MYH13: variants seen among roughly 807,000 people sequenced by gnomAD.
MYH13 encodes myosin-13.
MYH13 carries 177 observed loss-of-function variants against 232.1 expected under a neutral mutation model. The observed-to-expected ratio is 0.76, with a 90% CI of 0.67 to 0.86. The LOEUF is 0.86. Among genes scored for constraint, MYH13 ranks in the 40% least tolerant of loss-of-function variants. MYH13 has a pLI of 0.00. For missense variants in MYH13, 2,246 were observed against 2,405.9 expected (o/e 0.93, Z 1.39); for synonymous variants, 884 against 923.5 (o/e 0.96, Z 0.78).
chr17:10,353,108 C>T (rs2071722838), intron 11 of MYH13, among the ~76,000 whole-genome samples: 1 of 152,172 alleles, frequency 6.6e-6, no homozygotes, highest in African/African-American at 2.4e-5. Flanking sequence ...GCAGATAAGG[C>T]AAAGGCAGAC....
At position 10,351,234 on chromosome 17, in the gene MYH13, A is replaced by AAAAAAAAAAAAG. The variant is rs796765349; in HGVS notation, c.1006-541_1006-540insCTTTTTTTTTTT. On this transcript the variant is annotated intron_variant, in intron 11 of 40. Transcript: ENST00000252172. ...AGACTCCATCTCAAAAAAAAAAAAA[A>AAAAAAAAAAAAG]AGAGAACTGATTATGATCTTTTCTC... Among the ~76,000 whole-genome samples the AAAAAAAAAAAAG allele has an allele frequency of 2.1e-4, 31 of 150,402 alleles. 1 individual carries two copies. In the East Asian group the frequency reaches 2.8e-3, roughly 14 times the overall value.
intron 3 of MYH13, among the ~76,000 whole-genome samples, chr17:10,363,887 C>T (rs12950258): frequency 0.16 from 24,898 of 152,180 alleles, 2,450 homozygotes; most frequent in Non-Finnish European, 0.23. Context: ...ATTTGCAAAG[C>T]GATCAATGCT....
At chr17:10,330,552 CT>C in intron 20 of MYH13, 29 bp from the exon 21 acceptor site, 1 of 1,585,506 alleles carries the variant, frequency 6.3e-7, no homozygotes. Context: ...GAGCCTTGAT[CT>C]TTTTCCCCAG....
chr17:10,370,116 A>G lies in MYH13; in HGVS notation c.-13+1093T>C, dbSNP rs376557813. On this transcript the variant is annotated intron_variant, in intron 2 of 40. Coordinates refer to ENST00000252172, the MANE Select transcript of MYH13 (RefSeq NM_003802.3). ...TTTTAAAGTGTGATATCCAAACCACATGTCACCCTCCACTGGAGTGTGCCC... is the reference window on the plus strand; with the variant it reads ...TTTTAAAGTGTGATATCCAAACCACGTGTCACCCTCCACTGGAGTGTGCCC... 9.2e-5 allele frequency among the ~76,000 whole-genome samples: 14 copies of G among 152,202 alleles called. 1 individual carries two copies. The East Asian group carries it at 2.5e-3, about 27-fold the overall frequency.
intron 22 of MYH13, among the ~76,000 whole-genome samples, chr17:10,327,469 G>C (rs537636812): frequency 6.6e-6 from 1 of 152,096 alleles, no homozygotes; most frequent in African/African-American, 2.4e-5. Flanking sequence ...ACATATTATT[G>C]TAAATAATAT....
intron 8 of MYH13, among the ~76,000 whole-genome samples, chr17:10,355,508 C>G (rs1274494589): frequency 6.6e-6 from 1 of 152,200 alleles, no homozygotes; most frequent in Non-Finnish European, 1.5e-5. Context: ...CATCTGTCGC[C>G]AACAATTCTT....
intron 35 of MYH13, among the ~76,000 whole-genome samples, chr17:10,307,596 C>T (rs1443790330): frequency 6.6e-6 from 1 of 151,912 alleles, no homozygotes; most frequent in Non-Finnish European, 1.5e-5. Context: ...AATGTTCCAC[C>T]TCATTAGCAA....
intron 27 of MYH13, 21 bp from the exon 28 acceptor site, chr17:10,316,046 A>T (rs1294211323): frequency 6.2e-7 from 1 of 1,613,712 alleles, no homozygotes; most frequent in Non-Finnish European, 8.5e-7. Flanking sequence ...CAGAAAGTCA[A>T]CACGAATGGG....
At chr17:10,343,427 A>G (rs1045240158) in intron 16 of MYH13, among the ~76,000 whole-genome samples, 3 of 152,148 alleles carry the variant, frequency 2.0e-5, no homozygotes, top group African/African-American at 7.2e-5. Flanking sequence ...CAAACTCCTG[A>G]CCTCAAGTGA....
In MYH13 at chr17:10,345,185, C is replaced by T. The variant is rs372044228; in HGVS notation, c.1584+17G>A. On this transcript the variant is annotated intron_variant, in intron 15 of 40. Transcript: ENST00000252172. ...CCCAATAAGGAGGAGCTGTCCCAGG[C>T]AGCAGTATCTCTCTACCTTCTCGAT... 9 of 1,613,914 alleles carry T rather than the reference C, an allele frequency of 5.6e-6. No homozygotes were observed. Among genetic ancestry groups the T allele is most frequent in the Non-Finnish European group, 7.6e-6 (9 of 1,179,908 alleles).
intron 5 of MYH13, among the ~76,000 whole-genome samples, chr17:10,361,887 A>C (rs555776945): frequency 3.2e-4 from 49 of 152,332 alleles, no homozygotes; most frequent in African/African-American, 1.1e-3. Context: ...TGTGTTCCAC[A>C]TTCTCCCAAA....
intron 8 of MYH13, 38 bp downstream of exon 8, chr17:10,357,697 C>A (rs1460842180): frequency 1.9e-6 from 3 of 1,587,122 alleles, no homozygotes; most frequent in South Asian, 1.1e-5. Flanking sequence ...AGAGGGTATG[C>A]TTTTGGGAGG....
chr17:10,354,836 GTT>G (rs3214260), intron 10 of MYH13, 53 bp from the exon 11 acceptor site: 23 of 1,580,834 alleles, frequency 1.5e-5, no homozygotes, highest in Admixed American at 3.4e-5. Context: ...ACTCTGGGTT[GTT>G]TTTTTTTTCC....
Position 10,321,427 on chromosome 17 carries a change from G to A in MYH13, c.3111+105C>T, listed in dbSNP as rs556246812. 84 of 1,150,454 alleles carry A rather than the reference G, an allele frequency of 7.3e-5. 1 individual carries two copies. In the South Asian group the frequency reaches 1.2e-3, roughly 17 times the overall value. 71.3% of individuals were successfully genotyped at this position (1,150,454 alleles called of 1,614,324 possible). A position where few individuals can be genotyped will look rare whatever the true frequency, so the allele number is the denominator to read the frequency against. ...GCTGAGATCTGAATTTAGGGATGCTGATTCCAGAGTCTGACCTCTCAAGCC... is the reference window on the plus strand; with the variant it reads ...GCTGAGATCTGAATTTAGGGATGCTAATTCCAGAGTCTGACCTCTCAAGCC... On this transcript the variant is annotated intron_variant, in intron 24 of 40. Coordinates refer to ENST00000252172, the MANE Select transcript of MYH13 (RefSeq NM_003802.3).
In MYH13 at chr17:10,319,177, G is replaced by C; in HGVS notation, c.3351C>G (p.Ala1117=). ...TTTCCTCCTCCAGCTCTTCTATGCG[G>C]GCCTGAAAGGATTACTCTATCAGGA... ...QFQKKIKELQ[A]RIEELEEEIE... The change falls in exon 27 of 41, where the codon GCC becomes GCG. Residue 1117 remains alanine (A), a splice_region_variant and synonymous_variant. Coordinates refer to ENST00000252172, the MANE Select transcript of MYH13 (RefSeq NM_003802.3). 1.9e-6 allele frequency: 3 copies of C among 1,612,792 alleles called. No homozygotes were observed. The highest frequency in any genetic ancestry group is 2.5e-6 in the Non-Finnish European group (3 of 1,179,374).
intron 12 of MYH13, among the ~76,000 whole-genome samples, chr17:10,349,285 G>A (rs8080154): frequency 0.78 from 118,728 of 151,778 alleles, 47,037 homozygotes; most frequent in East Asian, 0.94. Context: ...ATTTTTAGTA[G>A]AGAAGGGGTT....
chr17:10,328,164 C>T (rs189290763), intron 21 of MYH13, 43 bp from the exon 22 acceptor site: 2 of 1,604,096 alleles, frequency 1.2e-6, no homozygotes, highest in South Asian at 2.2e-5. Context: ...CCAGCAAGGT[C>T]TGGTCTCTGC....
chr17:10,319,778 T>C (rs549167534), intron 26 of MYH13, among the ~76,000 whole-genome samples: 1 of 152,312 alleles, frequency 6.6e-6, no homozygotes, highest in South Asian at 2.1e-4. Flanking sequence ...ATGTGTACTA[T>C]ATATTTTTTG....
In MYH13 at chr17:10,345,333, C is replaced by T. The variant is rs1451095720; in HGVS notation, c.1453G>A (p.Glu485Lys). The T allele has an allele frequency of 1.2e-6, 2 of 1,614,204 alleles. No homozygotes were observed. The highest frequency in any genetic ancestry group is 1.7e-5 in the Admixed American group (1 of 60,020). Reference protein sequence around the residue: ...LEQLCINFTNEKLQQFFNHHM... With the variant: ...LEQLCINFTNKKLQQFFNHHM... ...TGGTTGAAAAACTGTTGCAGTTTCT[C>T]ATTGGTGAAGTTGATGCACAGCTGC... Residue 485 changes from glutamate to lysine, a missense_variant, in exon 15 of 41, where the codon GAG becomes AAG. Coordinates refer to ENST00000252172, the MANE Select transcript of MYH13 (RefSeq NM_003802.3).
Sources: gnomAD v4.1 joint callset for allele counts (sites outside exome capture counted in the v4.1 genomes callset) on GRCh38, gnomAD v4.1.1 for gene constraint, MANE v1.5 for transcripts, NCBI Gene and HGNC (gene_info 2026-07-23, HGNC 2026-07-21) for gene names.